Variants in CPNE4 observed in about 807,000 individuals in gnomAD.
The protein encoded by CPNE4 is copine 4.
In CPNE4, 25 loss-of-function variants were observed where a neutral mutation model predicts 67.9. The observed-to-expected ratio is 0.37, with a 90% CI of 0.27 to 0.51. The LOEUF (loss-of-function observed/expected upper bound fraction) is 0.51. Among genes scored for constraint, CPNE4 ranks in the 20% least tolerant of loss-of-function variants. CPNE4 has a pLI of 0.93. For synonymous variants in CPNE4, 242 were observed against 244.9 expected, an observed-to-expected ratio of 0.99 and a Z score of 0.11; for missense variants, 464 against 690.8, an observed-to-expected ratio of 0.67 and a Z score of 3.68.
intron 2 of CPNE4, among the ~76,000 whole-genome samples, chr3:131,733,519 C>T (rs376925904): frequency 2.1e-4 from 32 of 152,334 alleles, no homozygotes; most frequent in African/African-American, 6.7e-4. Flanking sequence ...AATCAACTGC[C>T]GTATACCCCC....
chr3:131,860,637 T>G (rs2086636812), intron 2 of CPNE4, among the ~76,000 whole-genome samples: 1 of 151,548 alleles, frequency 6.6e-6, no homozygotes, highest in Non-Finnish European at 1.5e-5. Flanking sequence ...TTATTTTGAG[T>G]CTAGGTTTGG....
intron 2 of CPNE4, among the ~76,000 whole-genome samples, chr3:131,903,361 G>T (rs549711419): frequency 1.3e-5 from 2 of 151,550 alleles, no homozygotes; most frequent in African/African-American, 4.8e-5. Flanking sequence ...ACATCAGCTA[G>T]ATCTTTAAAA....
At chr3:131,580,188 A>G (rs1937706073) in intron 9 of CPNE4, among the ~76,000 whole-genome samples, 1 of 152,208 alleles carries the variant, frequency 6.6e-6, no homozygotes, top group African/African-American at 2.4e-5. Flanking sequence ...CAAGGCTCAT[A>G]TGACTGTTGC....
At chr3:131,971,971 T>C (rs1342395316) in intron 1 of CPNE4, among the ~76,000 whole-genome samples, 1 of 152,190 alleles carries the variant, frequency 6.6e-6, no homozygotes, top group Non-Finnish European at 1.5e-5. Context: ...TGGTAGGTGT[T>C]TAATGAATGT....
At chr3:131,974,900 C>T (rs994100173) in intron 1 of CPNE4, among the ~76,000 whole-genome samples, 2 of 151,916 alleles carry the variant, frequency 1.3e-5, no homozygotes, top group African/African-American at 2.4e-5. Flanking sequence ...CCCAGCTGCT[C>T]GGGAGGCTGA....
chr3:132,037,737 C>A, upstream of CPNE4: 1 of 733,400 alleles, frequency 1.4e-6, no homozygotes, highest in East Asian at 2.7e-5. Flanking sequence ...GAGGAGGCAT[C>A]CGCTCAGTGT....
chr3:131,872,229 G>A (rs2087247183), intron 2 of CPNE4, among the ~76,000 whole-genome samples: 2 of 152,020 alleles, frequency 1.3e-5, no homozygotes, highest in Admixed American at 6.6e-5. Flanking sequence ...GAAAGAAGGA[G>A]AGAGAGAGAG....
intron 1 of CPNE4, among the ~76,000 whole-genome samples, chr3:131,925,169 C>G (rs547046728): frequency 6.6e-6 from 1 of 150,852 alleles, no homozygotes; most frequent in Non-Finnish European, 1.5e-5. Flanking sequence ...CTCTCTCTCT[C>G]TCTCTCTCTC....
chr3:131,793,977 A>G (rs931222146), intron 2 of CPNE4, among the ~76,000 whole-genome samples: 2 of 152,208 alleles, frequency 1.3e-5, no homozygotes, highest in African/African-American at 4.8e-5. Context: ...AGAATTATCA[A>G]GTTAGCTTTT....
intron 2 of CPNE4, among the ~76,000 whole-genome samples, chr3:131,757,072 C>A (rs1403518612): frequency 1.3e-5 from 2 of 152,116 alleles, no homozygotes; most frequent in Admixed American, 6.6e-5. Context: ...ATATCTTTAT[C>A]AGCAGCATGA....
chr3:131,829,964 T>C (rs1431632902), intron 2 of CPNE4, among the ~76,000 whole-genome samples: 1 of 152,164 alleles, frequency 6.6e-6, no homozygotes, highest in African/African-American at 2.4e-5. Flanking sequence ...AAGTCAACAC[T>C]ATGGAAGATT....
chr3:131,936,613 T>C (rs1224650725), intron 1 of CPNE4, among the ~76,000 whole-genome samples: 1 of 150,896 alleles, frequency 6.6e-6, no homozygotes, highest in African/African-American at 2.4e-5. Context: ...GGCACAGACA[T>C]GATACAAAGA....
chr3:131,708,142 G>C (rs1367476242), intron 3 of CPNE4, among the ~76,000 whole-genome samples: 1 of 152,116 alleles, frequency 6.6e-6, no homozygotes, highest in African/African-American at 2.4e-5. Context: ...AGAGATATTT[G>C]AGACACTGAA....
At chr3:131,613,283 T>C (rs1448568566) in intron 7 of CPNE4, among the ~76,000 whole-genome samples, 1 of 152,200 alleles carries the variant, frequency 6.6e-6, no homozygotes, top group Non-Finnish European at 1.5e-5. Context: ...CTCATCTCTG[T>C]TTTTCACAAA....
At chr3:131,615,950 C>A (rs1186908835) in intron 7 of CPNE4, among the ~76,000 whole-genome samples, 1 of 148,974 alleles carries the variant, frequency 6.7e-6, no homozygotes, top group Non-Finnish European at 1.5e-5. Flanking sequence ...CACACACACA[C>A]AAAAGAACAT....
intron 7 of CPNE4, among the ~76,000 whole-genome samples, chr3:131,627,489 C>T (rs1392424707): frequency 6.6e-6 from 1 of 151,078 alleles, no homozygotes; most frequent in Non-Finnish European, 1.5e-5. Context: ...TTCTGCAGCC[C>T]ATGGATCAAG....
At chr3:131,952,537 C>T (rs1288236203) in intron 1 of CPNE4, among the ~76,000 whole-genome samples, 5 of 98,436 alleles carry the variant, frequency 5.1e-5, no homozygotes, top group African/African-American at 1.4e-4. Context: ...GTCAGCCTCC[C>T]GCCCGGCCAG....
At chr3:131,978,228 C>CATATTTATATAAATATAT (rs2072749983) in intron 1 of CPNE4, among the ~76,000 whole-genome samples, 1 of 10,014 alleles carries the variant, frequency 1.0e-4, no homozygotes, top group Non-Finnish European at 1.4e-4. Context: ...AATAAATTTA[C>CATATTTATATAAATATAT]ATATTTATAT....
At chr3:131,626,061 T>G (rs1489845304) in intron 7 of CPNE4, among the ~76,000 whole-genome samples, 2 of 152,216 alleles carry the variant, frequency 1.3e-5, no homozygotes, top group African/African-American at 4.8e-5. Flanking sequence ...AAACAATTAA[T>G]GTGTGGGTTC....
Sources: allele counts gnomAD v4.1 joint callset (sites outside exome capture counted in the v4.1 genomes callset), GRCh38; gene constraint gnomAD v4.1.1; transcripts MANE v1.5; gene names NCBI Gene and HGNC (gene_info 2026-07-23, HGNC 2026-07-21).